BPIFA2: variants seen among roughly 807,000 people sequenced by gnomAD.
BPIFA2 encodes the protein BPI fold containing family A member 2.
A neutral mutation model predicts 25.7 loss-of-function variants in BPIFA2; 20 were observed. The ratio of observed to expected loss-of-function variants is 0.78; its 90% CI spans 0.55 to 1.13. The LOEUF is 1.13. Ranked by LOEUF, BPIFA2 falls within the 50% of genes most tolerant of loss-of-function variation. The probability of loss-of-function intolerance (pLI) is 0.00; values close to 1 mark genes in which losing one functional copy is unlikely to be tolerated. For missense variants in BPIFA2, 300 were observed against 298.1 expected, an observed-to-expected ratio of 1.01 and a Z score of -0.05; for synonymous variants, 126 against 124.3, an observed-to-expected ratio of 1.01 and a Z score of -0.09.
At chr20:33,181,110 G>A (rs1984265958) in intron 8 of BPIFA2, 114 bp from the exon 9 acceptor site, 1 of 152,862 alleles carries the variant, frequency 6.5e-6, no homozygotes, top group African/African-American at 2.4e-5. Flanking sequence ...GGAAAGAGCT[G>A]GGACACTGGA....
At chr20:33,180,226 G>GA (rs928919256) in intron 7 of BPIFA2, among the ~76,000 whole-genome samples, 53 of 138,282 alleles carry the variant, frequency 3.8e-4, no homozygotes, top group African/African-American at 5.9e-4. Flanking sequence ...CTCAAAAAAA[G>GA]AAAAAAAAAA....
intron 7 of BPIFA2, among the ~76,000 whole-genome samples, chr20:33,179,944 G>A (rs572276794): frequency 3.9e-5 from 6 of 152,264 alleles, no homozygotes; most frequent in South Asian, 2.1e-4. Context: ...TCAGCCAGGC[G>A]CAGTGGCTCA....
At chr20:33,171,938 CAT>C (rs1369059773) in intron 2 of BPIFA2, among the ~76,000 whole-genome samples, 1 of 152,184 alleles carries the variant, frequency 6.6e-6, no homozygotes, top group Non-Finnish European at 1.5e-5. Flanking sequence ...CACATGTACA[CAT>C]ATGTTTATTG....
chr20:33,179,505 C>T (rs1984198134), intron 6 of BPIFA2, 99 bp from the exon 7 acceptor site: 3 of 916,674 alleles, frequency 3.3e-6, no homozygotes, highest in Non-Finnish European at 3.6e-6. Context: ...TAGAAATGAG[C>T]TCATCTGTGG....
At chr20:33,162,858 T>C (rs1983619736) in intron 1 of BPIFA2, among the ~76,000 whole-genome samples, 1 of 152,214 alleles carries the variant, frequency 6.6e-6, no homozygotes, top group Non-Finnish European at 1.5e-5. Flanking sequence ...TCATAGCACT[T>C]CCTCTTTCAC....
chr20:33,178,569 T>C (rs908379256), intron 6 of BPIFA2, among the ~76,000 whole-genome samples: 1 of 152,224 alleles, frequency 6.6e-6, no homozygotes, highest in Non-Finnish European at 1.5e-5. Flanking sequence ...ATCCCTATCA[T>C]AAATAGAAAA....
intron 6 of BPIFA2, among the ~76,000 whole-genome samples, chr20:33,178,825 C>CTTCA (rs1340981605): frequency 6.6e-6 from 1 of 152,204 alleles, no homozygotes; most frequent in Non-Finnish European, 1.5e-5. Flanking sequence ...CCTCCACCAG[C>CTTCA]TTCAGCCTCA....
chr20:33,162,753 G>A (rs1456520785), intron 1 of BPIFA2, among the ~76,000 whole-genome samples: 1 of 152,154 alleles, frequency 6.6e-6, no homozygotes, highest in Non-Finnish European at 1.5e-5. Flanking sequence ...GTTACCCAAA[G>A]CCCCTGCAAG....
intron 5 of BPIFA2, among the ~76,000 whole-genome samples, chr20:33,176,086 A>G (rs1984066964): frequency 6.6e-6 from 1 of 152,158 alleles, no homozygotes; most frequent in African/African-American, 2.4e-5. Context: ...CGATAAAATT[A>G]TATTTACCTT....
At chr20:33,165,847 G>C (rs1257409012), upstream of BPIFA2, among the ~76,000 whole-genome samples, 1 of 152,132 alleles carries the variant, frequency 6.6e-6, no homozygotes, top group South Asian at 2.1e-4. Flanking sequence ...AAGAGGAGGA[G>C]GAGGAGCACA....
upstream of BPIFA2, among the ~76,000 whole-genome samples, chr20:33,167,298 C>T (rs1373671498): frequency 2.0e-5 from 3 of 152,236 alleles, no homozygotes; most frequent in Non-Finnish European, 4.4e-5. Flanking sequence ...GTTTCCTGTG[C>T]TGTTCCGGGT....
In BPIFA2 at chr20:33,178,326, G is replaced by A. The variant is rs1404422086; in HGVS notation, c.645+98G>A. ...GTATCCTCTGAGCACTTTTCCTTCG[G>A]AGGTGAAAGCTTCTCCTTAGGAGGT... On this transcript the variant is annotated intron_variant, in intron 6 of 8. Coordinates refer to ENST00000354932, the MANE Select transcript of BPIFA2 (RefSeq NM_080574.4). 6.5e-6 allele frequency: 6 copies of A among 921,620 alleles called. No homozygotes were observed. The Admixed American group carries it at 1.4e-4, about 21-fold the overall frequency. The allele number at this position is 921,620 out of a possible 1,614,324, so 57.1% of individuals were successfully genotyped here.
chr20:33,176,970 G>C (rs184795482), intron 5 of BPIFA2, among the ~76,000 whole-genome samples: 2 of 152,068 alleles, frequency 1.3e-5, no homozygotes, highest in African/African-American at 4.8e-5. Context: ...ATTCTCTCTC[G>C]TAAGAGTCTA....
chr20:33,172,563 C>T (rs1406957149), intron 2 of BPIFA2, among the ~76,000 whole-genome samples: 1 of 152,098 alleles, frequency 6.6e-6, no homozygotes, highest in African/African-American at 2.4e-5. Flanking sequence ...TTTTCAAACT[C>T]ACGTGAGCAT....
chr20:33,170,534 CAG>C (rs139676965), intron 2 of BPIFA2, among the ~76,000 whole-genome samples: 9,101 of 152,184 alleles, frequency 0.06, 429 homozygotes, highest in African/African-American at 0.13. Flanking sequence ...GCCGGGACTA[CAG>C]GTGCACACCA....
chr20:33,177,102 C>T (rs1984105124), intron 5 of BPIFA2, among the ~76,000 whole-genome samples: 1 of 152,202 alleles, frequency 6.6e-6, no homozygotes, highest in Admixed American at 6.5e-5. Flanking sequence ...CACCGGTAAT[C>T]CCAGCACTTT....
Position 33,179,618 on chromosome 20 carries a change from C to T in BPIFA2, c.660C>T (p.Ile220=), listed in dbSNP as rs1201923012. Residue 220 remains isoleucine, a synonymous_variant, in exon 7 of 9, where the codon ATC becomes ATT. Coordinates refer to ENST00000354932, the MANE Select transcript of BPIFA2 (RefSeq NM_080574.4). ...TCCGCTGTCAGATATGTCCACTGAT[C>T]CGCATCTTCATCCACTCCCTGGATG... is the stretch of plus-strand genomic sequence containing the variant. ...SLLQKEICPL[I]RIFIHSLDVN... 6.2e-7 allele frequency: 1 copy of T among 1,612,266 alleles called. No individual in the cohort carries two copies. The highest frequency in any genetic ancestry group is 1.3e-5 in the African/African-American group (1 of 74,736).
At position 33,174,167 on chromosome 20, in the gene BPIFA2, G is replaced by A. The variant is rs1482634859; in HGVS notation, c.391G>A (p.Ala131Thr). The change falls in exon 4 of 9, where the codon GCG (alanine) becomes ACG (threonine). Residue 131 changes from alanine to threonine, a missense_variant. Ala to Thr is a moderately conservative substitution (Grantham distance 58, BLOSUM62 0). Transcript: ENST00000354932. ...CCTTAACCTGAGCTTCCCTGTCACC[G>A]CGAATGTCACTGTGGCCGGGTGAGT... Reference protein sequence around the residue: ...KGLNLSFPVTANVTVAGPIIG... With the variant: ...KGLNLSFPVTTNVTVAGPIIG... The A allele has an allele frequency of 1.1e-5, 18 of 1,613,990 alleles. No homozygotes were observed. The highest frequency in any genetic ancestry group is 3.3e-5 in the Admixed American group (2 of 60,004).
upstream of BPIFA2, among the ~76,000 whole-genome samples, chr20:33,164,235 A>G (rs537143451): frequency 6.6e-6 from 1 of 152,386 alleles, no homozygotes; most frequent in African/African-American, 2.4e-5. Flanking sequence ...ATGACTAGAT[A>G]CAGGGCCAGG....
Sources: gnomAD v4.1 joint callset for allele counts (sites outside exome capture counted in the v4.1 genomes callset) on GRCh38, gnomAD v4.1.1 for gene constraint, MANE v1.5 for transcripts, NCBI Gene and HGNC (gene_info 2026-07-23, HGNC 2026-07-21) for gene names.